EPB41L3: variants seen among roughly 807,000 people sequenced by gnomAD.
The protein encoded by EPB41L3 is band 4.1-like protein 3.
In EPB41L3, 57 loss-of-function variants were observed where a neutral mutation model predicts 127.1. The observed-to-expected ratio is 0.45, with a 90% CI of 0.36 to 0.56. The LOEUF is 0.56. Ranked by LOEUF, EPB41L3 falls within the 20% of genes least tolerant of loss-of-function variation. The pLI is 0.00. For missense variants in EPB41L3, 1,273 were observed against 1,372.2 expected (o/e 0.93, Z 1.14); for synonymous variants, 572 against 549.5 (o/e 1.04, Z -0.57).
intron 1 of EPB41L3, among the ~76,000 whole-genome samples, chr18:5,616,027 G>A (rs952652798): frequency 1.3e-5 from 2 of 152,004 alleles, no homozygotes; most frequent in African/African-American, 4.8e-5. Context: ...ATTTCTCCAG[G>A]TGCTACTCCT....
At chr18:5,457,937 G>T (rs1042765613) in intron 3 of EPB41L3, among the ~76,000 whole-genome samples, 4 of 152,078 alleles carry the variant, frequency 2.6e-5, no homozygotes, top group Admixed American at 6.6e-5. Context: ...ATTTTTGTTT[G>T]TATTAGAATT....
At chr18:5,457,386 T>G (rs2083271586) in intron 3 of EPB41L3, among the ~76,000 whole-genome samples, 1 of 151,828 alleles carries the variant, frequency 6.6e-6, no homozygotes. Flanking sequence ...CCTGCTTTTT[T>G]GGAAGTCTTG....
intron 1 of EPB41L3, among the ~76,000 whole-genome samples, chr18:5,490,475 A>C (rs950354243): frequency 6.6e-6 from 1 of 152,184 alleles, no homozygotes; most frequent in African/African-American, 2.4e-5. Context: ...CTAGGTTATA[A>C]ACTAAATGCT....
intron 1 of EPB41L3, among the ~76,000 whole-genome samples, chr18:5,510,241 C>T (rs1356142918): frequency 6.6e-6 from 1 of 152,186 alleles, no homozygotes; most frequent in Admixed American, 6.5e-5. Flanking sequence ...ACTCACTACA[C>T]TTAGTAATGG....
At chr18:5,409,368 G>A (rs1431223626) in intron 14 of EPB41L3, among the ~76,000 whole-genome samples, 4 of 152,006 alleles carry the variant, frequency 2.6e-5, no homozygotes, top group Admixed American at 2.6e-4. Context: ...GAAATTTACT[G>A]GATGTACTAC....
At chr18:5,493,429 T>C (rs2090824803) in intron 1 of EPB41L3, among the ~76,000 whole-genome samples, 1 of 152,144 alleles carries the variant, frequency 6.6e-6, no homozygotes, top group Non-Finnish European at 1.5e-5. Flanking sequence ...CAAGTGTAAA[T>C]TTATAGGAGA....
chr18:5,429,371 C>T (rs2078666658), intron 8 of EPB41L3: 1 of 152,178 alleles, frequency 6.6e-6, no homozygotes, highest in Non-Finnish European at 1.5e-5. Context: ...GTACCACATA[C>T]AGTCTTTCCC....
intron 1 of EPB41L3, among the ~76,000 whole-genome samples, chr18:5,628,735 G>A (rs2094953029): frequency 6.6e-6 from 1 of 152,072 alleles, no homozygotes. Flanking sequence ...GCGCCGCGTG[G>A]TTGCTGCTCC....
At chr18:5,416,679 C>A (rs6506301) in intron 12 of EPB41L3, among the ~76,000 whole-genome samples, 20,591 of 152,066 alleles carry the variant, frequency 0.14, 2,696 homozygotes, top group African/African-American at 0.34. Context: ...AAAAAATTTC[C>A]CTTTAGACTA....
chr18:5,433,979 T>G lies in EPB41L3; in HGVS notation c.748A>C (p.Ile250Leu). ...YDPDECGSDY[I>L]SEFRFAPNHT... ...TTTGGTGCAAAGCGGAACTCACTAATGTAATCGCTCCCACATTCATCTGGG... is the reference window on the plus strand; with the variant it reads ...TTTGGTGCAAAGCGGAACTCACTAAGGTAATCGCTCCCACATTCATCTGGG... The change falls in exon 7 of 23, where the codon ATT becomes CTT. Residue 250 changes from isoleucine (I) to leucine (L), a missense_variant. This residue lies in a region of EPB41L3 where 326 missense variants were observed against 440.2 expected (regional missense o/e 0.74). Transcript: ENST00000341928. The G allele has an allele frequency of 6.2e-7, 1 of 1,614,166 alleles. No homozygotes were observed. The highest frequency in any genetic ancestry group is 8.5e-7 in the Non-Finnish European group (1 of 1,180,044).
chr18:5,540,867 G>A (rs148751249), intron 1 of EPB41L3, among the ~76,000 whole-genome samples: 3,266 of 152,068 alleles, frequency 0.021, 66 homozygotes, highest in East Asian at 0.083. Flanking sequence ...GGTGGATCAC[G>A]AGGTCAGGAG....
chr18:5,556,866 T>A (rs1445501598), intron 3 of EPB41L3, among the ~76,000 whole-genome samples: 2 of 152,048 alleles, frequency 1.3e-5, no homozygotes, highest in East Asian at 1.9e-4. Context: ...ATGAAATAAT[T>A]CATGAAAAAA....
At chr18:5,415,553 T>C (rs1345608703) in intron 13 of EPB41L3, among the ~76,000 whole-genome samples, 3 of 152,212 alleles carry the variant, frequency 2.0e-5, no homozygotes, top group Admixed American at 6.5e-5. Context: ...TAAAATTGAC[T>C]TCTGGCTGAG....
intron 1 of EPB41L3, among the ~76,000 whole-genome samples, chr18:5,519,804 G>A (rs748991414): frequency 2.6e-5 from 4 of 152,208 alleles, no homozygotes; most frequent in Non-Finnish European, 4.4e-5. Flanking sequence ...GGATTTAGCT[G>A]AGTAGTTACT....
intron 1 of EPB41L3, among the ~76,000 whole-genome samples, chr18:5,531,731 CAAAAAAAAA>C (rs57625472): frequency 1.2e-4 from 8 of 67,832 alleles, no homozygotes; most frequent in East Asian, 4.7e-4. Context: ...GACCCTGTCT[CAAAAAAAAA>C]AAAAAAAAAA....
intron 3 of EPB41L3, chr18:5,466,167 T>A (rs1219313334): frequency 6.6e-6 from 1 of 152,110 alleles, no homozygotes; most frequent in African/African-American, 2.4e-5. Context: ...CTGCAAAAAA[T>A]TAACAATATC....
chr18:5,477,344 G>C (rs1375692921), intron 3 of EPB41L3, among the ~76,000 whole-genome samples: 1 of 152,196 alleles, frequency 6.6e-6, no homozygotes, highest in Non-Finnish European at 1.5e-5. Flanking sequence ...TGAGGAAAGG[G>C]TGGACTCTGA....
chr18:5,508,242 C>CA (rs1409314578), intron 1 of EPB41L3: 1 of 152,080 alleles, frequency 6.6e-6, no homozygotes, highest in African/African-American at 2.4e-5. Flanking sequence ...AAAACAATAA[C>CA]AAAAAATCTT....
chr18:5,608,264 GTGT>G (rs926932464), intron 3 of EPB41L3, among the ~76,000 whole-genome samples: 2 of 152,106 alleles, frequency 1.3e-5, no homozygotes, highest in African/African-American at 4.8e-5. Context: ...CACACCAGAT[GTGT>G]TGTTGTTGTT....
Sources: gnomAD v4.1 joint callset for allele counts (sites outside exome capture counted in the v4.1 genomes callset) on GRCh38, gnomAD v4.1.1 for gene constraint, gnomAD v4.1.1 regional missense constraint, MANE v1.5 for transcripts, NCBI Gene and HGNC (gene_info 2026-07-23, HGNC 2026-07-21) for gene names.